The following MCF2L variants were observed in gnomAD, a reference collection of about 807,000 sequenced individuals.
The protein encoded by MCF2L is guanine nucleotide exchange factor DBS.
Under a neutral mutation model 153.4 loss-of-function variants are expected in MCF2L, and 97 were observed. The observed-to-expected ratio is 0.63, with a 90% CI of 0.54 to 0.75. The LOEUF (loss-of-function observed/expected upper bound fraction) is 0.75. Ranked by LOEUF, MCF2L falls within the 30% of genes least tolerant of loss-of-function variation. The probability of loss-of-function intolerance (pLI) is 0.00; values close to 1 mark genes in which losing one functional copy is unlikely to be tolerated. For synonymous variants in MCF2L, 659 were observed against 632.2 expected (o/e 1.04, Z -0.64); for missense variants, 1,347 against 1,495.2 (o/e 0.90, Z 1.64).
At chr13:113,084,488 A>G in intron 18 of MCF2L, 1 of 325,124 alleles carries the variant, frequency 3.1e-6, no homozygotes, top group Non-Finnish European at 5.6e-6. Context: ...TGCACTTCAC[A>G]ATGGGGCTAG....
chr13:112,923,084 C>T (rs947328185), intron 2 of MCF2L, among the ~76,000 whole-genome samples: 3 of 152,114 alleles, frequency 2.0e-5, no homozygotes, highest in African/African-American at 7.2e-5. Flanking sequence ...AAGGGTAGCA[C>T]AAAGAATTCT....
chr13:112,938,176 AGGTGAGCGCTGAGGG>A lies in MCF2L; in HGVS notation c.169+35807_169+35821del, dbSNP rs1298275371. On this transcript the variant is annotated intron_variant, in intron 2 of 29. Coordinates refer to the MCF2L transcript ENST00000375608. ...CAGGTGAGCGCTGAGGGGTTGGTTCAGGTGAGCGCTGAGGGGTTGGTTCAGGTGAGCGCTGAGGGG... is the reference window on the plus strand; with the variant it reads ...CAGGTGAGCGCTGAGGGGTTGGTTCAGTTGGTTCAGGTGAGCGCTGAGGGG... Among the ~76,000 whole-genome samples, 55 of 132,106 alleles carry A rather than the reference AGGTGAGCGCTGAGGG, an allele frequency of 4.2e-4. 1 individual carries two copies. The highest frequency in any genetic ancestry group is 3.5e-4 in the Non-Finnish European group (22 of 61,994). The allele number at this position is 132,106 out of a possible 152,430, so 86.7% of individuals were successfully genotyped here.
chr13:112,979,291 T>C, intron 1 of MCF2L: 1 of 1,128,098 alleles, frequency 8.9e-7, no homozygotes, highest in Non-Finnish European at 1.1e-6. Flanking sequence ...GCCCCCGCCC[T>C]GTTCGAGGAA....
chr13:112,940,599 G>A (rs1426694677), intron 2 of MCF2L, among the ~76,000 whole-genome samples: 1 of 152,236 alleles, frequency 6.6e-6, no homozygotes, highest in African/African-American at 2.4e-5. Flanking sequence ...GAAACCTCGT[G>A]TGCCAACACT....
chr13:113,035,104 C>T lies in MCF2L; in HGVS notation c.279-10167C>T, dbSNP rs555786997. Among the ~76,000 whole-genome samples, 28 of 152,334 alleles carry T rather than the reference C, an allele frequency of 1.8e-4. No individual in the cohort carries two copies. Among genetic ancestry groups the T allele is most frequent in the Admixed American group, 9.8e-4 (15 of 15,300 alleles). On this transcript the variant is annotated intron_variant, in intron 3 of 29. Transcript: ENST00000535094. This position sits in a 1 kb window ranked among gnomAD's most constrained non-coding sequence, Gnocchi z 4.4. Reference sequence around the variant, plus strand: ...CACCCCCGTGCAGACCTCACCATTCCCGACGGGAACACTTGTGATATTCAC... The same window carrying T: ...CACCCCCGTGCAGACCTCACCATTCTCGACGGGAACACTTGTGATATTCAC...
intron 2 of MCF2L, among the ~76,000 whole-genome samples, chr13:112,918,528 CT>C (rs888456176): frequency 2.0e-5 from 3 of 152,256 alleles, no homozygotes; most frequent in Admixed American, 1.3e-4. Context: ...GGACCACACC[CT>C]GGAAAGGCCA....
intron 1 of MCF2L, among the ~76,000 whole-genome samples, chr13:113,007,905 C>T (rs2083815001): frequency 7.0e-6 from 1 of 141,888 alleles, no homozygotes; most frequent in Non-Finnish European, 1.5e-5. Context: ...GTATGTGTAT[C>T]TTTTCTTTTT....
At chr13:113,002,574 G>C (rs2083445568) in intron 1 of MCF2L, among the ~76,000 whole-genome samples, 1 of 152,180 alleles carries the variant, frequency 6.6e-6, no homozygotes, top group African/African-American at 2.4e-5. Flanking sequence ...GTTTGGGTGT[G>C]TTTGGTCTGG....
chr13:113,057,066 GGGTGCTGAGTGTTTT>G (rs1429056377), intron 4 of MCF2L, among the ~76,000 whole-genome samples: 8 of 146,830 alleles, frequency 5.4e-5, no homozygotes, highest in African/African-American at 1.3e-4. Flanking sequence ...CTGTGTGTTT[GGGTGCTGAGTGTTTT>G]GGTGCTGAGT....
At chr13:112,937,217 C>T (rs1468772419) in intron 2 of MCF2L, among the ~76,000 whole-genome samples, 3 of 152,066 alleles carry the variant, frequency 2.0e-5, no homozygotes, top group Admixed American at 6.6e-5. Flanking sequence ...CCACGCCCAG[C>T]TAATTTTTTG....
intron 3 of MCF2L, among the ~76,000 whole-genome samples, chr13:113,029,601 G>A (rs903606545): frequency 1.3e-5 from 2 of 152,196 alleles, no homozygotes; most frequent in African/African-American, 2.4e-5. Context: ...GCGCCCTGAG[G>A]GTGCTGTGTC....
chr13:113,095,050 G>A (rs2035535179), intron 27 of MCF2L: 2 of 1,370,092 alleles, frequency 1.5e-6, no homozygotes, highest in South Asian at 1.1e-5. Flanking sequence ...TACCCTTTAT[G>A]TCATAGAATG....
intron 1 of MCF2L, among the ~76,000 whole-genome samples, chr13:113,013,960 G>A (rs1005746262): frequency 1.3e-5 from 2 of 149,960 alleles, no homozygotes; most frequent in East Asian, 1.9e-4. Flanking sequence ...CCCATGCTCC[G>A]AGCTGATGCT....
chr13:113,076,817 C>A (rs1206396736), intron 12 of MCF2L, among the ~76,000 whole-genome samples: 2 of 152,236 alleles, frequency 1.3e-5, no homozygotes, highest in Admixed American at 1.3e-4. Context: ...CAGGCCCCTC[C>A]CTCGCATGGA....
intron 4 of MCF2L, among the ~76,000 whole-genome samples, chr13:113,051,355 G>A (rs2087309303): frequency 6.6e-6 from 1 of 152,180 alleles, no homozygotes; most frequent in Admixed American, 6.5e-5. Flanking sequence ...CCAGGGCCAC[G>A]GCGGTGGGCG....
chr13:113,060,725 C>G lies in MCF2L; in HGVS notation c.489+13C>G. 1.2e-6 allele frequency: 2 copies of G among 1,611,686 alleles called. No homozygotes were observed. The highest frequency in any genetic ancestry group is 2.2e-5 in the South Asian group (2 of 91,070). ...GATGAAGGTGCCGGTAAGTGCGCCC[C>G]GCCTCCATCCTGCGGTAGCAGAACG... is the stretch of plus-strand genomic sequence containing the variant. On this transcript the variant is annotated intron_variant, in intron 5 of 29. Coordinates refer to ENST00000535094, the MANE Select transcript of MCF2L (RefSeq NM_001112732.3).
chr13:112,894,589 G>T lies in MCF2L; in HGVS notation c.-5+158G>T, dbSNP rs190903195. 1.7e-3 allele frequency among the ~76,000 whole-genome samples: 263 copies of T among 152,034 alleles called. 3 individuals carry two copies. Among genetic ancestry groups the T allele is most frequent in the African/African-American group, 6.1e-3 (252 of 41,504 alleles). ...GGACAGGCGCTGGGACCCGGCTCGCGGTCAGGGCGGCCTGGGATCGGCCCC... is the reference window on the plus strand; with the variant it reads ...GGACAGGCGCTGGGACCCGGCTCGCTGTCAGGGCGGCCTGGGATCGGCCCC... On this transcript the variant is annotated intron_variant, in intron 1 of 29. Coordinates refer to the MCF2L transcript ENST00000375608.
At position 113,074,220 on chromosome 13, in the gene MCF2L, A is replaced by G. The variant is rs1191887939; in HGVS notation, c.997-224A>G. ...CAGAGAAACAATTGTTCTGCCAGTG[A>G]GGTCACTGGTGGGTAGCGTCGACCC... On this transcript the variant is annotated intron_variant, in intron 9 of 29. Coordinates refer to ENST00000535094, the MANE Select transcript of MCF2L (RefSeq NM_001112732.3). The surrounding 1 kb of genome is among the most constrained non-coding windows in gnomAD (Gnocchi z 4.2). Among the ~76,000 whole-genome samples, 3 of 152,114 alleles carry G rather than the reference A, an allele frequency of 2.0e-5. No homozygotes were observed. Among genetic ancestry groups the G allele is most frequent in the Non-Finnish European group, 4.4e-5 (3 of 68,020 alleles).
intron 27 of MCF2L, chr13:113,094,962 T>C (rs764443514): frequency 7.2e-7 from 1 of 1,385,596 alleles, no homozygotes; most frequent in Non-Finnish European, 9.7e-7. Flanking sequence ...TCTGGGTTAA[T>C]TTCCAGGTGC....
Sources: allele counts gnomAD v4.1 joint callset (sites outside exome capture counted in the v4.1 genomes callset), GRCh38; gene constraint gnomAD v4.1.1; non-coding constraint Gnocchi (gnomAD v3.1); transcripts MANE v1.5; gene names NCBI Gene and HGNC (gene_info 2026-07-23, HGNC 2026-07-21).